The following FGF14 variants were observed in gnomAD, a reference collection of about 807,000 sequenced individuals.
FGF14 encodes fibroblast growth factor homologous factor 4.
FGF14 carries 5 observed loss-of-function variants against 25.5 expected under a neutral mutation model. The observed-to-expected ratio is 0.20, with a 90% CI of 0.10 to 0.41. The LOEUF is 0.41. Ranked by LOEUF, FGF14 falls within the 10% of genes least tolerant of loss-of-function variation. The pLI is 1.00. For missense variants in FGF14, 222 were observed against 320.1 expected (o/e 0.69, Z 2.34); for synonymous variants, 138 against 118.3 (o/e 1.17, Z -1.08).
intron 1 of FGF14, among the ~76,000 whole-genome samples, chr13:102,335,547 C>A (rs985311506): frequency 6.6e-6 from 1 of 151,672 alleles, no homozygotes; most frequent in African/African-American, 2.4e-5. Context: ...AAGAAAAGCC[C>A]GAATGCCTAT....
chr13:101,758,640 C>T (rs1157315514), intron 3 of FGF14, among the ~76,000 whole-genome samples: 1 of 152,160 alleles, frequency 6.6e-6, no homozygotes, highest in African/African-American at 2.4e-5. Flanking sequence ...AAATCTAAAC[C>T]TAATACTTTC....
chr13:101,937,174 T>A (rs1386684887), intron 1 of FGF14, among the ~76,000 whole-genome samples: 1 of 152,216 alleles, frequency 6.6e-6, no homozygotes, highest in Non-Finnish European at 1.5e-5. Flanking sequence ...TGTCTTTTTA[T>A]GGATTAGTGG....
intron 1 of FGF14, among the ~76,000 whole-genome samples, chr13:101,915,688 C>A (rs1018253694): frequency 3.9e-5 from 6 of 152,306 alleles, no homozygotes; most frequent in Non-Finnish European, 7.4e-5. Flanking sequence ...TTCTAGTCAC[C>A]TTTATATAGT....
intron 1 of FGF14, among the ~76,000 whole-genome samples, chr13:102,193,817 A>T (rs193219147): frequency 5.9e-5 from 9 of 152,306 alleles, no homozygotes; most frequent in African/African-American, 2.2e-4. Context: ...ATTATCTAAA[A>T]TATTCAGTTT....
At chr13:102,234,483 T>C (rs1291056308) in intron 1 of FGF14, among the ~76,000 whole-genome samples, 1 of 79,186 alleles carries the variant, frequency 1.3e-5, no homozygotes, top group Non-Finnish European at 2.5e-5. Flanking sequence ...CATGGAAATA[T>C]ACACTTAAAT....
At chr13:101,763,259 C>T (rs762154545) in intron 3 of FGF14, among the ~76,000 whole-genome samples, 1 of 152,146 alleles carries the variant, frequency 6.6e-6, no homozygotes, top group Non-Finnish European at 1.5e-5. Context: ...AGTCAGTCAT[C>T]CCCAGCTGTG....
chr13:102,197,905 G>A (rs2049436459), intron 1 of FGF14, among the ~76,000 whole-genome samples: 1 of 152,182 alleles, frequency 6.6e-6, no homozygotes, highest in Non-Finnish European at 1.5e-5. Context: ...ATTAATCAAT[G>A]AGAAACCTCT....
At chr13:102,300,604 C>A (rs549681804) in intron 1 of FGF14, among the ~76,000 whole-genome samples, 10 of 152,224 alleles carry the variant, frequency 6.6e-5, no homozygotes, top group African/African-American at 2.4e-4. Context: ...CCCAATCTAT[C>A]TCCGTACGGA....
intron 1 of FGF14, among the ~76,000 whole-genome samples, chr13:102,124,045 G>A (rs1566716092): frequency 2.0e-5 from 3 of 152,016 alleles, no homozygotes; most frequent in African/African-American, 7.2e-5. Context: ...CAACAGAACA[G>A]CAATGAGAAA....
intron 1 of FGF14, among the ~76,000 whole-genome samples, chr13:102,379,484 GTATA>G (rs2058128848): frequency 6.6e-6 from 1 of 150,978 alleles, no homozygotes; most frequent in Non-Finnish European, 1.5e-5. Context: ...ATGGGTGTGT[GTATA>G]TATATTTTTA....
intron 3 of FGF14, among the ~76,000 whole-genome samples, chr13:101,750,688 C>T (rs576483797): frequency 6.6e-6 from 1 of 152,190 alleles, no homozygotes; most frequent in South Asian, 2.1e-4. Context: ...AAACCTTGAT[C>T]CTTGGTGTTT....
chr13:102,005,965 T>G (rs2039761380), intron 1 of FGF14, among the ~76,000 whole-genome samples: 1 of 152,174 alleles, frequency 6.6e-6, no homozygotes, highest in Non-Finnish European at 1.5e-5. Flanking sequence ...ATTGTACTTG[T>G]AATAAATACA....
At chr13:102,276,353 G>GTA (rs10574334) in intron 1 of FGF14, among the ~76,000 whole-genome samples, 1,098 of 103,212 alleles carry the variant, frequency 0.011, 7 homozygotes, top group Non-Finnish European at 0.016. Context: ...GTGTGTGTGT[G>GTA]TATATATATA....
intron 3 of FGF14, among the ~76,000 whole-genome samples, chr13:101,784,770 C>A (rs2039706658): frequency 6.6e-6 from 1 of 152,098 alleles, no homozygotes; most frequent in African/African-American, 2.4e-5. Context: ...TGCTGTGTGT[C>A]TTGAACTGTT....
chr13:102,027,372 A>C (rs1014216434), intron 1 of FGF14, among the ~76,000 whole-genome samples: 37 of 151,816 alleles, frequency 2.4e-4, no homozygotes, highest in African/African-American at 8.2e-4. Flanking sequence ...TAAGTCACAA[A>C]TGTTCTTCTT....
chr13:101,774,256 A>T (rs1304456079), intron 3 of FGF14, among the ~76,000 whole-genome samples: 1 of 152,118 alleles, frequency 6.6e-6, no homozygotes, highest in Non-Finnish European at 1.5e-5. Context: ...GTTCCAGAGG[A>T]GCAGATGGTG....
intron 3 of FGF14, among the ~76,000 whole-genome samples, chr13:101,789,672 T>C (rs1048191229): frequency 1.3e-5 from 2 of 152,160 alleles, no homozygotes; most frequent in Non-Finnish European, 1.5e-5. Context: ...ATTCAAAGGA[T>C]CTCAGGACTA....
At chr13:101,830,933 C>T (rs1594407372) in intron 3 of FGF14, among the ~76,000 whole-genome samples, 1 of 152,192 alleles carries the variant, frequency 6.6e-6, no homozygotes, top group East Asian at 1.9e-4. Flanking sequence ...AATACCATTT[C>T]ATCACTCCGA....
At chr13:101,899,531 G>A (rs1030514199) in intron 1 of FGF14, among the ~76,000 whole-genome samples, 27 of 151,888 alleles carry the variant, frequency 1.8e-4, no homozygotes. Flanking sequence ...ATTTTAAAAT[G>A]TTTTAATTGA....
Sources: allele counts gnomAD v4.1 joint callset (sites outside exome capture counted in the v4.1 genomes callset), GRCh38; gene constraint gnomAD v4.1.1; transcripts MANE v1.5; gene names NCBI Gene and HGNC (gene_info 2026-07-23, HGNC 2026-07-21).